VWF: variants seen among roughly 807,000 people sequenced by gnomAD.
The protein encoded by VWF is von Willebrand factor.
Under a neutral mutation model 308.6 loss-of-function variants are expected in VWF, and 176 were observed. The ratio of observed to expected loss-of-function variants is 0.57; its 90% CI spans 0.50 to 0.65. VWF has a LOEUF of 0.65. Ranked by LOEUF, VWF falls within the 30% of genes least tolerant of loss-of-function variation. VWF has a pLI of 0.00. For missense variants in VWF, 3,146 were observed against 3,648.2 expected (o/e 0.86, Z 3.55); for synonymous variants, 1,385 against 1,443.4 (o/e 0.96, Z 0.92).
At position 5,956,806 on chromosome 12, in the gene VWF, T is replaced by G. The variant is rs1237096368; in HGVS notation, c.7888-3212A>C. Among the ~76,000 whole-genome samples the G allele has an allele frequency of 3.9e-5, 6 of 152,178 alleles. No individual in the cohort carries two copies. The South Asian group carries it at 1.0e-3, about 26-fold the overall frequency. Reference sequence around the variant, plus strand: ...CAAAAAGCTTTTAAAATTTTAAAACTTTATAAGTAAAAAAGTTACAGTGAG... The same window carrying G: ...CAAAAAGCTTTTAAAATTTTAAAACGTTATAAGTAAAAAAGTTACAGTGAG... On this transcript the variant is annotated intron_variant, in intron 47 of 51. Coordinates refer to ENST00000261405, the MANE Select transcript of VWF (RefSeq NM_000552.5).
At chr12:5,974,770 G>A (rs1345907392) in intron 43 of VWF, among the ~76,000 whole-genome samples, 13 of 152,312 alleles carry the variant, frequency 8.5e-5, no homozygotes, top group East Asian at 7.7e-4. Context: ...CAGAAATACC[G>A]GCTCTTAGGA....
In VWF at chr12:6,052,549, G is replaced by A; in HGVS notation, c.2180C>T (p.Thr727Ile). 6.2e-7 allele frequency: 1 copy of A among 1,614,220 alleles called. No homozygotes were observed. Among genetic ancestry groups the A allele is most frequent in the South Asian group, 1.1e-5 (1 of 91,090 alleles). Residue 727 changes from threonine (T) to isoleucine (I), a missense_variant, in exon 16 of 52, where the codon ACC becomes ATC. Thr to Ile is a moderately conservative substitution (Grantham distance 89, BLOSUM62 -1). Coordinates refer to ENST00000261405, the MANE Select transcript of VWF (RefSeq NM_000552.5). Reference sequence around the variant, plus strand: ...CACTGCTGCCTGCACTTACCACATGGTGTGATGGTCTGAGAAGATGTCTTC... The same window carrying A: ...CACTGCTGCCTGCACTTACCACATGATGTGATGGTCTGAGAAGATGTCTTC... ...QPEDIFSDHH[T>I]MCYCEDGFMH...
In VWF at chr12:5,994,048, G is replaced by A; in HGVS notation, c.6412C>T (p.His2138Tyr). 1 of 1,614,178 alleles carries A rather than the reference G, an allele frequency of 6.2e-7. No individual in the cohort carries two copies. Among genetic ancestry groups the A allele is most frequent in the Non-Finnish European group, 8.5e-7 (1 of 1,180,044 alleles). Residue 2138 changes from histidine to tyrosine, a missense_variant, in exon 37 of 52, where the codon CAC (histidine) becomes TAC (tyrosine). Coordinates refer to ENST00000261405, the MANE Select transcript of VWF (RefSeq NM_000552.5). Reference protein sequence around the residue: ...EEQCLVPDSSHCQVLLLPLFA... With the variant: ...EEQCLVPDSSYCQVLLLPLFA... The stretch of plus-strand genomic sequence containing the variant: ...AGTGGTAAGAGGAGGACCTGGCAGT[G>A]GGAGCTGTCGGGGACAAGACACTGC...
rs1246612880 is a variant in VWF, at chr12:6,058,596, C to A, written c.1534-552G>T. The stretch of plus-strand genomic sequence containing the variant: ...CGGTTAATGACAAGAAACACCTCCC[C>A]ACAACCTGCTGCCTGCCACTCAGGC... On this transcript the variant is annotated intron_variant, in intron 13 of 51. Coordinates refer to ENST00000261405, the MANE Select transcript of VWF (RefSeq NM_000552.5). The surrounding 1 kb of genome is among the most constrained non-coding windows in gnomAD (Gnocchi z 4.9). Among the ~76,000 whole-genome samples, 1 of 152,158 alleles carries A rather than the reference C, an allele frequency of 6.6e-6. No individual in the cohort carries two copies. Among genetic ancestry groups the A allele is most frequent in the Non-Finnish European group, 1.5e-5 (1 of 68,036 alleles).
chr12:5,962,411 T>G (rs1943329895), intron 47 of VWF, among the ~76,000 whole-genome samples: 1 of 152,014 alleles, frequency 6.6e-6, no homozygotes, highest in Non-Finnish European at 1.5e-5. Context: ...GTTGAAAAAC[T>G]TAAATTATCT....
chr12:6,096,851 G>A (rs1384598950), intron 5 of VWF, among the ~76,000 whole-genome samples: 1 of 152,170 alleles, frequency 6.6e-6, no homozygotes, highest in African/African-American at 2.4e-5. Context: ...GCCAGGCCTG[G>A]AAGAGAGAAG....
rs267607351 is a variant in VWF, at chr12:6,018,475, G to A, written c.4943C>T (p.Pro1648Leu). The change falls in exon 28 of 52, where the codon CCT (proline) becomes CTT (leucine). Residue 1648 changes from proline to leucine, a missense_variant. Coordinates refer to ENST00000261405, the MANE Select transcript of VWF (RefSeq NM_000552.5). ...ELERIGWPNA[P>L]ILIQDFETLP... ...CGTCTCAAAGTCCTGGATGAGGATA[G>A]GGGCATTGGGCCAGCCAATCCTCTC... 8.1e-6 allele frequency: 13 copies of A among 1,613,708 alleles called. No individual in the cohort carries two copies. Among genetic ancestry groups the A allele is most frequent in the Non-Finnish European group, 1.0e-5 (12 of 1,179,892 alleles).
chr12:6,094,671 GCT>G (rs1414909308), intron 6 of VWF, among the ~76,000 whole-genome samples: 2 of 152,072 alleles, frequency 1.3e-5, no homozygotes, highest in Non-Finnish European at 2.9e-5. Flanking sequence ...ATGGATTAGT[GCT>G]CTGATAAAAG....
chr12:6,036,905 T>C (rs896467756), intron 18 of VWF, among the ~76,000 whole-genome samples: 8 of 152,174 alleles, frequency 5.3e-5, no homozygotes, highest in African/African-American at 1.9e-4. Context: ...AATAGAATTA[T>C]GGACAAAGAT....
In VWF at chr12:6,065,045, C is replaced by T. The variant is rs541300690; in HGVS notation, c.1293+92G>A. The stretch of plus-strand genomic sequence containing the variant: ...CCTCCCTCATGCACAGAAAGCAATG[C>T]CCCACGCCTTCCAGGGACTGCCCAT... On this transcript the variant is annotated intron_variant, in intron 11 of 51. Transcript: ENST00000261405. The T allele has an allele frequency of 6.3e-6, 10 of 1,575,978 alleles. No individual in the cohort carries two copies. The South Asian group carries it at 6.8e-5, about 11-fold the overall frequency.
At chr12:6,033,849 A>G (rs1944301129) in intron 20 of VWF, among the ~76,000 whole-genome samples, 1 of 152,222 alleles carries the variant, frequency 6.6e-6, no homozygotes, top group Non-Finnish European at 1.5e-5. Context: ...TCTTCCATTC[A>G]GACCACACCA....
intron 3 of VWF, among the ~76,000 whole-genome samples, chr12:6,114,743 G>A (rs1331711420): frequency 6.6e-6 from 1 of 152,170 alleles, no homozygotes; most frequent in African/African-American, 2.4e-5. Context: ...GCCCAGGGCT[G>A]AGCCTGTGTG....
chr12:6,081,606 G>A (rs1944910902), intron 6 of VWF, among the ~76,000 whole-genome samples: 1 of 152,174 alleles, frequency 6.6e-6, no homozygotes, highest in South Asian at 2.1e-4. Context: ...CCAAAGCTCT[G>A]GGATTACAGG....
intron 6 of VWF, among the ~76,000 whole-genome samples, chr12:6,093,205 C>G (rs1269141118): frequency 2.0e-5 from 3 of 151,972 alleles, no homozygotes; most frequent in Non-Finnish European, 4.4e-5. Flanking sequence ...TGTCGGGGCA[C>G]AGCGTAGGTG....
In VWF at chr12:6,046,093, G is replaced by C. The variant is rs1190295031; in HGVS notation, c.2281+630C>G. On this transcript the variant is annotated intron_variant, in intron 17 of 51. Transcript: ENST00000261405. This position sits in a 1 kb window ranked among gnomAD's most constrained non-coding sequence, Gnocchi z 5.0. ...CAAAAAATTAGCCAGGTGTGGTGGCGCATGCCTGTAATTCCAGCTACTTGG... is the reference window on the plus strand; with the variant it reads ...CAAAAAATTAGCCAGGTGTGGTGGCCCATGCCTGTAATTCCAGCTACTTGG... Among the ~76,000 whole-genome samples the C allele has an allele frequency of 6.6e-6, 1 of 152,202 alleles. No homozygotes were observed. Among genetic ancestry groups the C allele is most frequent in the East Asian group, 1.9e-4 (1 of 5,164 alleles).
At chr12:6,067,152 C>G (rs1944724936) in intron 10 of VWF, among the ~76,000 whole-genome samples, 1 of 152,216 alleles carries the variant, frequency 6.6e-6, no homozygotes, top group Non-Finnish European at 1.5e-5. Context: ...GGGCCAGGAT[C>G]GTCCCAGCCC....
chr12:6,001,767 G>C (rs1445326539), intron 34 of VWF, among the ~76,000 whole-genome samples: 3 of 152,130 alleles, frequency 2.0e-5, no homozygotes, highest in African/African-American at 7.2e-5. Context: ...GACAGGAAGA[G>C]AGCGAGGGAT....
At chr12:5,979,522 C>T (rs1262278860) in intron 42 of VWF, among the ~76,000 whole-genome samples, 11 of 152,202 alleles carry the variant, frequency 7.2e-5, no homozygotes, top group South Asian at 6.2e-4. Flanking sequence ...GAGGTCGAGG[C>T]GGGTGGATCA....
rs140166046 is a variant in VWF at position 5,995,540 on chromosome 12, T to TTA, written c.6063+460_6063+461dup. On this transcript the variant is annotated intron_variant, in intron 35 of 51. Coordinates refer to ENST00000261405, the MANE Select transcript of VWF (RefSeq NM_000552.5). The stretch of plus-strand genomic sequence containing the variant: ...CTTTTGTAAGCATTTAATCAATCAT[T>TTA]TATATATATATATATCAGTTTTGCA... Among the ~76,000 whole-genome samples, 244 of 150,556 alleles carry TTA rather than the reference T, an allele frequency of 1.6e-3. 2 individuals are homozygous for TTA. In the South Asian group the frequency reaches 0.019, roughly 11 times the overall value.
Sources: gnomAD v4.1 joint callset for allele counts (sites outside exome capture counted in the v4.1 genomes callset) on GRCh38, gnomAD v4.1.1 for gene constraint, Gnocchi (gnomAD v3.1) non-coding constraint, MANE v1.5 for transcripts, NCBI Gene and HGNC (gene_info 2026-07-23, HGNC 2026-07-21) for gene names.